NHEJ1: variants seen among roughly 807,000 people sequenced by gnomAD.
The protein encoded by NHEJ1 is non-homologous end joining factor 1.
A neutral mutation model predicts 39.4 loss-of-function variants in NHEJ1; 22 were observed. The ratio of observed to expected loss-of-function variants is 0.56; its 90% CI spans 0.40 to 0.80. The LOEUF (loss-of-function observed/expected upper bound fraction) is 0.80. NHEJ1 is among the 30% of genes least tolerant of loss of function. The pLI, the probability that NHEJ1 is intolerant of heterozygous loss-of-function variation, is 0.00. For missense variants in NHEJ1, 329 were observed against 357.1 expected (o/e 0.92, Z 0.63); for synonymous variants, 154 against 135.6 (o/e 1.14, Z -0.94).
intron 5 of NHEJ1, among the ~76,000 whole-genome samples, chr2:219,112,215 A>G (rs1949372413): frequency 6.6e-6 from 1 of 152,186 alleles, no homozygotes. Context: ...AGACCAGGTG[A>G]CCAATTTAAG....
intron 5 of NHEJ1, among the ~76,000 whole-genome samples, chr2:219,083,975 G>A (rs1347804812): frequency 4.7e-5 from 7 of 150,358 alleles, no homozygotes; most frequent in African/African-American, 1.5e-4. Context: ...AGTCAAAAAC[G>A]CACTTTCAAC....
At chr2:219,134,023 A>G (rs1195789953) in intron 5 of NHEJ1, among the ~76,000 whole-genome samples, 1 of 152,028 alleles carries the variant, frequency 6.6e-6, no homozygotes, top group African/African-American at 2.4e-5. Context: ...CTCTCCAGCT[A>G]TCTCATTTAT....
At chr2:219,132,816 C>T (rs1219296144) in intron 5 of NHEJ1, among the ~76,000 whole-genome samples, 4 of 152,170 alleles carry the variant, frequency 2.6e-5, no homozygotes, top group Admixed American at 1.3e-4. Flanking sequence ...TCTTCCTCCT[C>T]TCAGGTACCA....
intron 5 of NHEJ1, among the ~76,000 whole-genome samples, chr2:219,087,357 G>A (rs1194691182): frequency 6.6e-6 from 1 of 150,594 alleles, no homozygotes; most frequent in Admixed American, 6.7e-5. Context: ...TGTGCTACTA[G>A]CACTGTGCAG....
In NHEJ1 at chr2:219,078,082, G is replaced by A; in HGVS notation, c.706+7C>T. The stretch of plus-strand genomic sequence containing the variant: ...TCACACAGACCGGGTACCTCTGGAG[G>A]GCTCACCAGCGCCTTGATGCTTCTG... On this transcript the variant is annotated splice_region_variant and intron_variant, in intron 6 of 7. Coordinates refer to ENST00000356853, the MANE Select transcript of NHEJ1 (RefSeq NM_024782.3). 2 of 1,603,190 alleles carry A rather than the reference G, an allele frequency of 1.2e-6. No homozygotes were observed. Among genetic ancestry groups the A allele is most frequent in the Non-Finnish European group, 1.7e-6 (2 of 1,170,070 alleles).
intron 5 of NHEJ1, among the ~76,000 whole-genome samples, chr2:219,106,662 G>A (rs181354706): frequency 1.1e-4 from 16 of 152,276 alleles, no homozygotes; most frequent in Admixed American, 8.5e-4. Context: ...CTAATACAAA[G>A]AGCCTATGCT....
chr2:219,137,595 A>AAAAAAAAAAAAAAAAGAAAAAAAC (rs143557047), intron 5 of NHEJ1, among the ~76,000 whole-genome samples: 1 of 82,668 alleles, frequency 1.2e-5, no homozygotes, highest in African/African-American at 3.3e-5. Flanking sequence ...AAAAAAAACA[A>AAAAAAAAAAAAAAAAGAAAAAAAC]AAAAAACTGA....
intron 5 of NHEJ1, among the ~76,000 whole-genome samples, chr2:219,109,064 T>A (rs1304494080): frequency 6.6e-6 from 1 of 152,224 alleles, no homozygotes; most frequent in Non-Finnish European, 1.5e-5. Context: ...AAGAGTGAGA[T>A]ATCTCTTTCT....
intron 3 of NHEJ1, among the ~76,000 whole-genome samples, chr2:219,155,404 A>C (rs1345286487): frequency 6.6e-6 from 1 of 151,916 alleles, no homozygotes; most frequent in African/African-American, 2.4e-5. Context: ...CCATCTCTAC[A>C]AAAAATTTTT....
rs1003778412 is a variant in NHEJ1, at chr2:219,149,496, A to G, written c.391-1701T>C. Among the ~76,000 whole-genome samples the G allele has an allele frequency of 5.3e-5, 8 of 152,182 alleles. No individual in the cohort carries two copies. In the South Asian group the frequency reaches 1.0e-3, roughly 20 times the overall value. On this transcript the variant is annotated intron_variant, in intron 3 of 7. Coordinates refer to ENST00000356853, the MANE Select transcript of NHEJ1 (RefSeq NM_024782.3). ...CCAGGCATGGTGGCACATGCCTGTAATCCCAGCTACTCGGGAGACTGAGGC... is the reference window on the plus strand; with the variant it reads ...CCAGGCATGGTGGCACATGCCTGTAGTCCCAGCTACTCGGGAGACTGAGGC...
At chr2:219,157,303 G>C (rs777295720) in intron 3 of NHEJ1, among the ~76,000 whole-genome samples, 169 bp downstream of exon 3, 8 of 152,202 alleles carry the variant, frequency 5.3e-5, no homozygotes, top group Non-Finnish European at 1.2e-4. Context: ...CTTTTGCAAG[G>C]AAAGGATTTA....
chr2:219,089,764 T>C (rs1949144889), intron 5 of NHEJ1, among the ~76,000 whole-genome samples: 1 of 152,242 alleles, frequency 6.6e-6, no homozygotes, highest in African/African-American at 2.4e-5. Flanking sequence ...TAGCTCTAAT[T>C]TTAAAAACAA....
chr2:219,077,108 C>G (rs1218410189), intron 7 of NHEJ1, 138 bp downstream of exon 7: 2 of 721,868 alleles, frequency 2.8e-6, no homozygotes, highest in Admixed American at 4.0e-5. Flanking sequence ...TAGACACCTA[C>G]AATTTGGAGC....
At chr2:219,140,036 T>C (rs1949675627) in intron 5 of NHEJ1, among the ~76,000 whole-genome samples, 1 of 152,240 alleles carries the variant, frequency 6.6e-6, no homozygotes, top group Non-Finnish European at 1.5e-5. Context: ...GGATAACTAA[T>C]ACAGACTTTA....
chr2:219,074,613 A>G lies in NHEJ1; in HGVS notation c.*1768T>C, dbSNP rs76177455. 0.016 allele frequency among the ~76,000 whole-genome samples: 2,446 copies of G among 152,068 alleles called. 68 individuals carry two copies. Among genetic ancestry groups the G allele is most frequent in the African/African-American group, 0.056 (2,309 of 41,480 alleles). ...ACAAAAATTAGCCGGGCTTGGTGGC[A>G]GGCATCTAATCCCAGCTACTCGGGA... On this transcript the variant is annotated 3_prime_UTR_variant, in exon 8 of 8. Transcript: ENST00000356853.
chr2:219,157,023 A>G (rs1471419484), intron 3 of NHEJ1, among the ~76,000 whole-genome samples: 1 of 152,236 alleles, frequency 6.6e-6, no homozygotes, highest in East Asian at 1.9e-4. Context: ...TGATTTTTCT[A>G]TTTATTTTCT....
At chr2:219,151,474 C>T (rs556832847) in intron 3 of NHEJ1, among the ~76,000 whole-genome samples, 1 of 152,158 alleles carries the variant, frequency 6.6e-6, no homozygotes, top group African/African-American at 2.4e-5. Context: ...ATCTATCAGA[C>T]CCCAATGTCT....
chr2:219,155,837 A>G (rs62191800), intron 3 of NHEJ1, among the ~76,000 whole-genome samples: 4 of 149,998 alleles, frequency 2.7e-5, no homozygotes, highest in Non-Finnish European at 3.0e-5. Flanking sequence ...AGGCAGGAGA[A>G]TGGCATGAAC....
At chr2:219,149,973 G>GA (rs1949780092) in intron 3 of NHEJ1, among the ~76,000 whole-genome samples, 1 of 152,214 alleles carries the variant, frequency 6.6e-6, no homozygotes, top group Admixed American at 6.5e-5. Context: ...TCCTAGACCT[G>GA]AAAAAGGAGT....
Sources: allele counts gnomAD v4.1 joint callset (sites outside exome capture counted in the v4.1 genomes callset), GRCh38; gene constraint gnomAD v4.1.1; transcripts MANE v1.5; gene names NCBI Gene and HGNC (gene_info 2026-07-23, HGNC 2026-07-21).